The following PPL variants were observed in gnomAD, a reference collection of about 807,000 sequenced individuals.
PPL encodes the protein periplakin.
Under a neutral mutation model 194.4 loss-of-function variants are expected in PPL, and 198 were observed. The observed-to-expected ratio is 1.02, with a 90% CI of 0.91 to 1.15. The LOEUF (loss-of-function observed/expected upper bound fraction) is 1.15, where lower values mean the gene tolerates loss of function less well. Among genes scored for constraint, PPL ranks in the 50% most tolerant of loss-of-function variants. The pLI, the probability that PPL is intolerant of heterozygous loss-of-function variation, is 0.00. For missense variants in PPL, 2,885 were observed against 2,294.8 expected (o/e 1.26, Z -5.25); for synonymous variants, 1,220 against 972.4 (o/e 1.25, Z -4.74).
chr16:4,884,431 G>C lies in PPL; in HGVS notation c.4224C>G (p.Arg1408=). ...CGGCCTCCCTGCGGGCCTGCCGCTCGCGCTCTAGCTCCTCCAGCTGCCGCT... is the reference window on the plus strand; with the variant it reads ...CGGCCTCCCTGCGGGCCTGCCGCTCCCGCTCTAGCTCCTCCAGCTGCCGCT... The part of the protein sequence containing the change: ...ELERQLEELE[R]ERQARREAER... Residue 1408 remains arginine, a synonymous_variant, in exon 22 of 22, where the codon CGC becomes CGG. Coordinates refer to ENST00000345988, the MANE Select transcript of PPL (RefSeq NM_002705.5). The surrounding 1 kb of genome is among the most constrained non-coding windows in gnomAD (Gnocchi z 5.7). The C allele has an allele frequency of 6.2e-7, 1 of 1,602,870 alleles. No homozygotes were observed. Among genetic ancestry groups the C allele is most frequent in the Non-Finnish European group, 8.5e-7 (1 of 1,177,294 alleles).
At position 4,893,073 on chromosome 16, in the gene PPL, T is replaced by G. The variant is rs1596549293; in HGVS notation, c.1650+140A>C. ...TGCCACCTCCATGACTTGGGACCCT[T>G]TTACATGCAGCAGGCTGTCCCTGAC... is the stretch of plus-strand genomic sequence containing the variant. On this transcript the variant is annotated intron_variant, in intron 14 of 21. Transcript: ENST00000345988. 11 of 1,167,282 alleles carry G rather than the reference T, an allele frequency of 9.4e-6. No homozygotes were observed. In the East Asian group the frequency reaches 3.0e-4, roughly 32 times the overall value. The allele number at this position is 1,167,282 out of a possible 1,614,324, so 72.3% of individuals were successfully genotyped here. A position where few individuals can be genotyped will look rare whatever the true frequency, so the allele number is the denominator to read the frequency against.
In PPL at chr16:4,884,272, C is replaced by A. The variant is rs138114664; in HGVS notation, c.4383G>T (p.Leu1461=). Reference sequence around the variant, plus strand: ...GCTCTTCTTCCAGCTGGAGTCGGAGCAGGGCATGCTCTCGCGCCTGCTGCG... The same window carrying A: ...GCTCTTCTTCCAGCTGGAGTCGGAGAAGGGCATGCTCTCGCGCCTGCTGCG... ...QDPQQAREHA[L]LRLQLEEEQH... Residue 1461 remains leucine, a synonymous_variant, in exon 22 of 22, where the codon CTG becomes CTT. Coordinates refer to ENST00000345988, the MANE Select transcript of PPL (RefSeq NM_002705.5). The surrounding 1 kb of genome is among the most constrained non-coding windows in gnomAD (Gnocchi z 5.7). 2.5e-6 allele frequency: 4 copies of A among 1,612,926 alleles called. No homozygotes were observed. The highest frequency in any genetic ancestry group is 3.4e-6 in the Non-Finnish European group (4 of 1,179,748).
intron 8 of PPL, 33 bp downstream of exon 8, chr16:4,898,980 T>A (rs2088487383): frequency 6.3e-7 from 1 of 1,590,328 alleles, no homozygotes. Flanking sequence ...GAAGCCACCC[T>A]GGGGGAGGTG....
At chr16:4,905,627 A>C (rs542489421) in intron 2 of PPL, among the ~76,000 whole-genome samples, 39 of 152,364 alleles carry the variant, frequency 2.6e-4, no homozygotes, top group African/African-American at 9.1e-4. Context: ...AAAAAGAAAA[A>C]GCAAAAGGAA....
chr16:4,913,438 G>C (rs912347206), intron 1 of PPL, among the ~76,000 whole-genome samples: 16 of 152,294 alleles, frequency 1.1e-4, no homozygotes, highest in African/African-American at 3.9e-4. Context: ...ATGGAAGTGA[G>C]GTTACACTAC....
rs148029163 is a variant in PPL, at chr16:4,892,201, C to T, written c.1663G>A (p.Glu555Lys). Residue 555 changes from glutamate (E) to lysine (K), a missense_variant, in exon 15 of 22, where the codon GAG (glutamate) becomes AAG (lysine). Transcript: ENST00000345988. The part of the protein sequence containing the change: ...RAKDLKNITN[E>K]LLRIEPEKTR... ...TTCTCAGGTTCAATCCGCAGTAGCTCGTTGGTGATGTTCTGTGGGAACCAG... is the reference window on the plus strand; with the variant it reads ...TTCTCAGGTTCAATCCGCAGTAGCTTGTTGGTGATGTTCTGTGGGAACCAG... The T allele has an allele frequency of 5.6e-6, 9 of 1,612,006 alleles. No individual in the cohort carries two copies. The highest frequency in any genetic ancestry group is 2.7e-5 in the African/African-American group (2 of 75,016).
At chr16:4,905,366 G>A (rs1269721875) in intron 2 of PPL, among the ~76,000 whole-genome samples, 1 of 152,210 alleles carries the variant, frequency 6.6e-6, no homozygotes, top group African/African-American at 2.4e-5. Context: ...ATCCATTGAT[G>A]TGAAGTGTCC....
chr16:4,926,861 A>C (rs1308766065), intron 1 of PPL, among the ~76,000 whole-genome samples: 1 of 142,590 alleles, frequency 7.0e-6, no homozygotes, highest in Non-Finnish European at 1.5e-5. Context: ...CCTGGGCAAC[A>C]GAGCAAGACT....
intron 1 of PPL, among the ~76,000 whole-genome samples, chr16:4,922,063 G>A (rs962587929): frequency 8.5e-5 from 13 of 152,110 alleles, no homozygotes; most frequent in Non-Finnish European, 1.3e-4. Flanking sequence ...AATTTTGTGC[G>A]GGTGCCACTG....
chr16:4,912,769 CG>C (rs1412257191), intron 1 of PPL, among the ~76,000 whole-genome samples: 2 of 152,162 alleles, frequency 1.3e-5, no homozygotes, highest in African/African-American at 4.8e-5. Flanking sequence ...GCCGTGGTGG[CG>C]TCAGGCCCAG....
At position 4,916,757 on chromosome 16, in the gene PPL, G is replaced by A. The variant is rs1447542478; in HGVS notation, c.63-5808C>T. 2.0e-5 allele frequency among the ~76,000 whole-genome samples: 3 copies of A among 151,410 alleles called. 1 individual carries two copies. The highest frequency in any genetic ancestry group is 4.2e-4 in the South Asian group (2 of 4,790). ...TGGGCTCAAGCAATCTATCTGCCTC[G>A]GCCTCCCAAAATATTAGGATTACAG... On this transcript the variant is annotated intron_variant, in intron 1 of 21. Transcript: ENST00000345988.
intron 20 of PPL, 84 bp from the exon 21 acceptor site, chr16:4,887,311 T>C (rs1202525319): frequency 1.7e-5 from 18 of 1,045,072 alleles, no homozygotes; most frequent in African/African-American, 3.1e-5. Flanking sequence ...GTGGACGTGG[T>C]TCTTGAGAAG....
At chr16:4,925,385 G>C (rs2089137550) in intron 1 of PPL, among the ~76,000 whole-genome samples, 1 of 151,888 alleles carries the variant, frequency 6.6e-6, no homozygotes, top group Non-Finnish European at 1.5e-5. Flanking sequence ...CTGATGAATA[G>C]TAACAACACT....
intron 1 of PPL, among the ~76,000 whole-genome samples, chr16:4,921,920 C>T (rs776961862): frequency 6.6e-6 from 1 of 151,760 alleles, no homozygotes; most frequent in Non-Finnish European, 1.5e-5. Flanking sequence ...CAGGGATGCC[C>T]GTGAGAGGAG....
Position 4,937,080 on chromosome 16 carries a change from G to A in PPL, c.-35C>T, listed in dbSNP as rs758750186. On this transcript the variant is annotated 5_prime_UTR_variant, in exon 1 of 22. Transcript: ENST00000345988. ...CGGGGTGCGGGCGGCGGCGGCTGGC[G>A]GGCCGGGCGCGCACCGAGGGGCGGG... The A allele has an allele frequency of 7.7e-7, 1 of 1,306,362 alleles. No individual in the cohort carries two copies. The highest frequency in any genetic ancestry group is 1.5e-5 in the African/African-American group (1 of 65,230). The allele number at this position is 1,306,362 out of a possible 1,614,324, so 80.9% of individuals were successfully genotyped here. A position where few individuals can be genotyped will look rare whatever the true frequency, so the allele number is the denominator to read the frequency against.
In PPL at chr16:4,900,708, G is replaced by A. The variant is rs916782876; in HGVS notation, c.606+122C>T. 2.0e-5 allele frequency: 28 copies of A among 1,375,886 alleles called. No homozygotes were observed. In the African/African-American group the frequency reaches 3.4e-4, roughly 17 times the overall value. 85.2% of individuals were successfully genotyped at this position (1,375,886 alleles called of 1,614,324 possible). On this transcript the variant is annotated intron_variant, in intron 6 of 21. Transcript: ENST00000345988. The stretch of plus-strand genomic sequence containing the variant: ...CTGCCTCTGCCTCCCAAAGTGCTAG[G>A]CGTGAGCCACCATGCCCAGCTGCCT...
chr16:4,892,151 TTCGCCCTCAGCCGTGCTCCGCG>T lies in PPL; in HGVS notation c.1691_1712del (p.Thr564LysfsTer16). 2 of 1,613,800 alleles carry T rather than the reference TTCGCCCTCAGCCGTGCTCCGCG, an allele frequency of 1.2e-6. No homozygotes were observed. The highest frequency in any genetic ancestry group is 1.7e-6 in the Non-Finnish European group (2 of 1,180,018). On this transcript the variant is annotated frameshift_variant, in exon 15 of 22. Coordinates refer to ENST00000345988, the MANE Select transcript of PPL (RefSeq NM_002705.5). LOFTEE classifies it high-confidence loss of function. ...TGCCTGGGAGGGCCTGGATGAAGGC[TTCGCCCTCAGCCGTGCTCCGCG>T]TCTTCTCAGGTTCAATCCGCAGTAG...
At chr16:4,889,144 A>C in intron 18 of PPL, 83 bp from the exon 19 acceptor site, 5 of 1,079,986 alleles carry the variant, frequency 4.6e-6, no homozygotes, top group Non-Finnish European at 5.7e-6. Flanking sequence ...TGGAAATCTC[A>C]GAATCTGAAT....
intron 16 of PPL, among the ~76,000 whole-genome samples, chr16:4,891,220 G>T (rs1214004904): frequency 1.3e-5 from 2 of 152,216 alleles, no homozygotes; most frequent in African/African-American, 4.8e-5. Context: ...AAAGCAAGTC[G>T]TGAGATGGGA....
Sources: gnomAD v4.1 joint callset for allele counts (sites outside exome capture counted in the v4.1 genomes callset) on GRCh38, gnomAD v4.1.1 for gene constraint, Gnocchi (gnomAD v3.1) non-coding constraint, MANE v1.5 for transcripts, NCBI Gene and HGNC (gene_info 2026-07-23, HGNC 2026-07-21) for gene names.